The following SELP variants were observed in gnomAD, a reference collection of about 807,000 sequenced individuals.
SELP encodes the protein P-selectin.
SELP carries 92 observed loss-of-function variants against 104.1 expected under a neutral mutation model. The observed-to-expected ratio is 0.88, with a 90% confidence interval of 0.75 to 1.05. The LOEUF is 1.05. Among genes scored for constraint, SELP ranks in the 50% least tolerant of loss-of-function variants. SELP has a pLI of 0.00. For missense variants in SELP, 1,022 were observed against 1,017.3 expected (o/e 1.00, Z -0.06); for synonymous variants, 397 against 364.5 (o/e 1.09, Z -1.01).
chr1:169,625,309 C>T (rs1206891501), intron 1 of SELP, among the ~76,000 whole-genome samples: 2 of 152,144 alleles, frequency 1.3e-5, no homozygotes, highest in African/African-American at 4.8e-5. Flanking sequence ...TTTTCTGAGT[C>T]TTCTTCTGAA....
intron 12 of SELP, 68 bp downstream of exon 12, chr1:169,595,857 G>T: frequency 7.0e-7 from 1 of 1,429,770 alleles, no homozygotes. Context: ...TCAACATACA[G>T]GCACAATGGC....
chr1:169,621,851 C>A (rs538194317), intron 1 of SELP, among the ~76,000 whole-genome samples: 1 of 152,238 alleles, frequency 6.6e-6, no homozygotes, highest in Admixed American at 6.5e-5. Flanking sequence ...GCGAACCTAA[C>A]CCCACTGCTT....
chr1:169,618,382 T>C (rs1206211673), intron 2 of SELP, among the ~76,000 whole-genome samples: 1 of 152,188 alleles, frequency 6.6e-6, no homozygotes, highest in Non-Finnish European at 1.5e-5. Flanking sequence ...CAGCCCTTTT[T>C]CACAAGTGTT....
At chr1:169,590,284 A>G in intron 15 of SELP, 82 bp from the exon 16 acceptor site, 1 of 943,842 alleles carries the variant, frequency 1.1e-6, no homozygotes, top group Non-Finnish European at 1.7e-6. Context: ...ATTTCCAGAA[A>G]CCACAAATTA....
chr1:169,597,685 T>C (rs1661699482), intron 10 of SELP, among the ~76,000 whole-genome samples: 1 of 152,200 alleles, frequency 6.6e-6, no homozygotes, highest in Non-Finnish European at 1.5e-5. Flanking sequence ...ATTGTTTTGT[T>C]TATTTTGCTG....
chr1:169,589,780 G>A (rs533361667), intron 16 of SELP, among the ~76,000 whole-genome samples: 2 of 152,126 alleles, frequency 1.3e-5, no homozygotes, highest in Non-Finnish European at 2.9e-5. Flanking sequence ...TTTCCAGCAG[G>A]TAGCATAGGG....
In SELP at chr1:169,617,110, C is replaced by T; in HGVS notation, c.399G>A (p.Glu133=). 6.2e-7 allele frequency: 1 copy of T among 1,613,988 alleles called. No homozygotes were observed. Among genetic ancestry groups the T allele is most frequent in the Non-Finnish European group, 8.5e-7 (1 of 1,179,998 alleles). The change falls in exon 3 of 17, where the codon GAG becomes GAA. Residue 133 remains glutamate (E), a synonymous_variant. Transcript: ENST00000263686. The part of the protein sequence containing the change: ...NNKRNNEDCV[E]IYIKSPSAPG... ...GGGCTGACGGACTCTTGATGTATAT[C>T]TCCACGCAGTCCTCGTTGTTCCTTT...
rs3917805 is a variant in SELP at position 169,597,004 on chromosome 1, T to A, written c.1878A>T (p.Pro626=). The A allele has an allele frequency of 6.2e-7, 1 of 1,611,888 alleles. No individual in the cohort carries two copies. The highest frequency in any genetic ancestry group is 8.5e-7 in the Non-Finnish European group (1 of 1,178,904). Residue 626 remains proline (P), a synonymous_variant, in exon 11 of 17, where the codon CCA becomes CCT. Coordinates refer to ENST00000263686, the MANE Select transcript of SELP (RefSeq NM_003005.4). ...ACATATTATTACCTTTGCAGGTTGG[T>A]GGAGTAGCTGACCATCTTCCAGAAG... The part of the protein sequence containing the change: ...CTTSGRWSAT[P]PTCKGIASLP...
Position 169,629,958 on chromosome 1 carries a change from A to G in SELP, c.3+114T>C, listed in dbSNP as rs924430219. ...CAAAATCTAATAGGCAATTCAACAT[A>G]AAACTCCATGGCTATCGCTGTTCCT... On this transcript the variant is annotated intron_variant, in intron 1 of 16. Transcript: ENST00000263686. 4 of 1,384,328 alleles carry G rather than the reference A, an allele frequency of 2.9e-6. No homozygotes were observed. In the African/African-American group the frequency reaches 5.7e-5, roughly 20 times the overall value. 85.8% of individuals were successfully genotyped at this position (1,384,328 alleles called of 1,614,324 possible).
intron 7 of SELP, among the ~76,000 whole-genome samples, chr1:169,610,672 G>C (rs189306112): frequency 6.6e-6 from 1 of 151,968 alleles, no homozygotes. Context: ...CTAGCTATTC[G>C]GGAGGCTGAG....
rs375732703 is a variant in SELP, at chr1:169,594,708, G to A, written c.2271C>T (p.Thr757=). 61 of 1,613,276 alleles carry A rather than the reference G, an allele frequency of 3.8e-5. No homozygotes were observed. The highest frequency in any genetic ancestry group is 1.1e-4 in the East Asian group (5 of 44,878). ...AAATTGTACCTTGGCAGGTTGGCAC[G>A]GTAGTTGACCAGTGGCCATTCTCTT... is the stretch of plus-strand genomic sequence containing the variant. The part of the protein sequence containing the change: ...ACQENGHWST[T]VPTCQAGPLT... Residue 757 remains threonine, a synonymous_variant, in exon 13 of 17, where the codon ACC becomes ACT. Coordinates refer to ENST00000263686, the MANE Select transcript of SELP (RefSeq NM_003005.4).
rs765764939 is a variant in SELP, at chr1:169,609,648, T to C, written c.1189A>G (p.Met397Val). Residue 397 changes from methionine to valine, a missense_variant, in exon 8 of 17, where the codon ATG (methionine) becomes GTG (valine). Coordinates refer to ENST00000263686, the MANE Select transcript of SELP (RefSeq NM_003005.4). ...GCTCTCAAGGATGGAGAGCAATCCA[T>C]GCTTCCGTGGACAGGACTCTCCAGC... is the stretch of plus-strand genomic sequence containing the variant. Reference protein sequence around the residue: ...EPLESPVHGSMDCSPSLRAFQ... With the variant: ...EPLESPVHGSVDCSPSLRAFQ... 6 of 1,613,848 alleles carry C rather than the reference T, an allele frequency of 3.7e-6. No homozygotes were observed. Among genetic ancestry groups the C allele is most frequent in the African/African-American group, 1.3e-5 (1 of 74,868 alleles).
chr1:169,609,443 C>T, intron 8 of SELP, 61 bp downstream of exon 8: 1 of 1,487,236 alleles, frequency 6.7e-7, no homozygotes, highest in Non-Finnish European at 9.2e-7. Context: ...ATGCTCAGTG[C>T]AGATGCTGAT....
intron 10 of SELP, among the ~76,000 whole-genome samples, chr1:169,599,408 T>G (rs3917789): frequency 0.068 from 10,246 of 151,430 alleles, 460 homozygotes; most frequent in Middle Eastern, 0.11. Context: ...ACAGATAAGG[T>G]TTGCATTTAT....
rs1451221183 is a variant in SELP at position 169,607,089 on chromosome 1, T to C, written c.1379A>G (p.Asn460Ser). The C allele has an allele frequency of 1.2e-6, 2 of 1,609,684 alleles. No individual in the cohort carries two copies. The highest frequency in any genetic ancestry group is 2.7e-5 in the African/African-American group (2 of 74,746). ...AAAGGCACCGAAGGGGTGGGAGCAG[T>C]TCACCCGGGCCTCATTTGGAACTGG... ...DLPVPNEARV[N>S]CSHPFGAFRY... Residue 460 changes from asparagine to serine, a missense_variant, in exon 9 of 17, where the codon AAC (asparagine) becomes AGC (serine). Physicochemically the swap from Asn to Ser is conservative, Grantham distance 46. Transcript: ENST00000263686.
chr1:169,609,766 A>G lies in SELP; in HGVS notation c.1148-77T>C, dbSNP rs13306836. The G allele has an allele frequency of 2.2e-4, 291 of 1,335,312 alleles. 2 individuals carry two copies. The East Asian group carries it at 4.7e-3, about 21-fold the overall frequency. 82.7% of individuals were successfully genotyped at this position (1,335,312 alleles called of 1,614,324 possible). A position where few individuals can be genotyped will look rare whatever the true frequency, so the allele number is the denominator to read the frequency against. On this transcript the variant is annotated intron_variant, in intron 7 of 16. Coordinates refer to ENST00000263686, the MANE Select transcript of SELP (RefSeq NM_003005.4). The stretch of plus-strand genomic sequence containing the variant: ...TCCTCAGAAAAAATTCCTAGATGCT[A>G]TATCTTTCCTGTCCACATTTTCAGT...
rs1246155405 is a variant in SELP, at chr1:169,612,296, C to G, written c.882G>C (p.Glu294Asp). 6 of 1,614,068 alleles carry G rather than the reference C, an allele frequency of 3.7e-6. No individual in the cohort carries two copies. The highest frequency in any genetic ancestry group is 5.1e-6 in the Non-Finnish European group (6 of 1,180,036). The change falls in exon 6 of 17, where the codon GAG (glutamate) becomes GAC (aspartate). Residue 294 changes from glutamate to aspartate, a missense_variant. By Grantham distance (45) the Glu-to-Asp change is conservative. Coordinates refer to ENST00000263686, the MANE Select transcript of SELP (RefSeq NM_003005.4). Reference protein sequence around the residue: ...HQSSCSFSCEEGFALVGPEVV... With the variant: ...HQSSCSFSCEDGFALVGPEVV... The stretch of plus-strand genomic sequence containing the variant: ...CTTCCGGTCCAACTAATGCAAATCC[C>G]TCTTCACAACTGAAGCTGCAGCTAG...
At chr1:169,613,474 G>C (rs188836194) in intron 4 of SELP, 112 bp downstream of exon 4, 7 of 778,370 alleles carry the variant, frequency 9.0e-6, no homozygotes, top group African/African-American at 6.9e-5. Flanking sequence ...GATGATAGAG[G>C]GGGGCTGGTA....
chr1:169,617,416 T>G lies in SELP; in HGVS notation c.95-2A>C. On this transcript the variant is annotated splice_acceptor_variant, in intron 2 of 16. Transcript: ENST00000263686. LOFTEE classifies it high-confidence loss of function. ...CCACTTCTTTCTGGTTTGTTAGTTC[T>G]AGAGTAAAGGAGAGTGAGTGCCAGG... The G allele has an allele frequency of 6.2e-7, 1 of 1,613,278 alleles. No homozygotes were observed. The highest frequency in any genetic ancestry group is 8.5e-7 in the Non-Finnish European group (1 of 1,179,466).
Sources: gnomAD v4.1 joint callset for allele counts (sites outside exome capture counted in the v4.1 genomes callset) on GRCh38, gnomAD v4.1.1 for gene constraint, MANE v1.5 for transcripts, NCBI Gene and HGNC (gene_info 2026-07-23, HGNC 2026-07-21) for gene names.